ST7: variants seen among roughly 807,000 people sequenced by gnomAD.
The protein encoded by ST7 is suppression of tumorigenicity 7.
ST7 carries 28 observed loss-of-function variants against 78.7 expected under a neutral mutation model. The observed-to-expected ratio is 0.36, with a 90% confidence interval of 0.26 to 0.49. ST7 has a LOEUF of 0.49. ST7 is among the 20% of genes least tolerant of loss of function. The pLI is 0.99. For synonymous variants in ST7, 247 were observed against 249.6 expected, an observed-to-expected ratio of 0.99 and a Z score of 0.10; for missense variants, 418 against 696.0, an observed-to-expected ratio of 0.60 and a Z score of 4.49.
chr7:116,990,947 A>G (rs944034571), intron 1 of ST7, among the ~76,000 whole-genome samples: 1 of 152,226 alleles, frequency 6.6e-6, no homozygotes, highest in Non-Finnish European at 1.5e-5. Context: ...AGTGACACAT[A>G]GATTTGATTA....
intron 1 of ST7, among the ~76,000 whole-genome samples, chr7:116,991,106 C>T (rs1033386707): frequency 2.0e-5 from 3 of 152,182 alleles, no homozygotes; most frequent in African/African-American, 7.2e-5. Context: ...TGTATGATCA[C>T]ATTTTATTTA....
intron 1 of ST7, among the ~76,000 whole-genome samples, chr7:116,958,162 A>ATTTTTTTTTTTTTTTTTTT: frequency 1.0e-5 from 1 of 95,614 alleles, no homozygotes; most frequent in Non-Finnish European, 1.9e-5. Flanking sequence ...TGCGTGGCTA[A>ATTTTTTTTTTTTTTTTTTT]TTTTTTTTTT....
chr7:117,135,538 G>A (rs1204138440), intron 7 of ST7, among the ~76,000 whole-genome samples: 4 of 152,016 alleles, frequency 2.6e-5, no homozygotes, highest in Non-Finnish European at 5.9e-5. Context: ...TTGATTTAAC[G>A]AATTTCTTAT....
intron 15 of ST7, among the ~76,000 whole-genome samples, chr7:117,225,484 T>C (rs567762937): frequency 3.9e-5 from 6 of 152,226 alleles, no homozygotes; most frequent in African/African-American, 1.4e-4. Flanking sequence ...GGAAGGAAGA[T>C]GGATGGCCTG....
At chr7:116,986,618 T>G (rs1794203435) in intron 1 of ST7, among the ~76,000 whole-genome samples, 1 of 152,196 alleles carries the variant, frequency 6.6e-6, no homozygotes. Flanking sequence ...CCAATCCCAG[T>G]TGACATCAGA....
At chr7:117,199,791 G>A (rs2117469370) in intron 12 of ST7, among the ~76,000 whole-genome samples, 1 of 152,336 alleles carries the variant, frequency 6.6e-6, no homozygotes, top group South Asian at 2.1e-4. Context: ...GAGTTCTGCT[G>A]GGCCCACTGG....
In ST7 at chr7:117,134,164, A is replaced by G. The variant is rs1371574770; in HGVS notation, c.682A>G (p.Thr228Ala). ...TGAAGTTCCCCTAATTGCTTCCTCT[A>G]CCATCTGGGAGATAAAATTGTTACC... is the stretch of plus-strand genomic sequence containing the variant. ...RVEVPLIASSTIWEIKLLPKC... is the reference protein window; with the variant it reads ...RVEVPLIASSAIWEIKLLPKC... Residue 228 changes from threonine (T) to alanine (A), a missense_variant, in exon 7 of 16, where the codon ACC (threonine) becomes GCC (alanine). By Grantham distance (58) the Thr-to-Ala change is moderately conservative. Transcript: ENST00000323984. 1 of 1,612,052 alleles carries G rather than the reference A, an allele frequency of 6.2e-7. No individual in the cohort carries two copies. Among genetic ancestry groups the G allele is most frequent in the Admixed American group, 1.7e-5 (1 of 59,890 alleles).
intron 12 of ST7, among the ~76,000 whole-genome samples, chr7:117,206,611 C>A (rs866167647): frequency 2.6e-5 from 4 of 152,106 alleles, no homozygotes; most frequent in Non-Finnish European, 4.4e-5. Context: ...GTAAGCCATC[C>A]GTCTCACACA....
chr7:117,223,028 A>G, intron 15 of ST7: 1 of 1,344,516 alleles, frequency 7.4e-7, no homozygotes, highest in East Asian at 2.3e-5. Flanking sequence ...CTCCTCCTGT[A>G]TTCCTGACCT....
intron 1 of ST7, among the ~76,000 whole-genome samples, chr7:117,097,908 A>ATATATATT: frequency 1.7e-4 from 5 of 30,012 alleles, no homozygotes; most frequent in African/African-American, 3.2e-4. Context: ...ATATATATAT[A>ATATATATT]TTTTTTTTTT....
intron 1 of ST7, among the ~76,000 whole-genome samples, chr7:117,095,628 G>A (rs1009567630): frequency 2.6e-5 from 4 of 152,178 alleles, no homozygotes; most frequent in African/African-American, 9.7e-5. Context: ...AGTCAGGTCC[G>A]ATGAAAAGCC....
At chr7:116,960,688 ATTTG>A (rs1173692606) in intron 1 of ST7, among the ~76,000 whole-genome samples, 2 of 152,150 alleles carry the variant, frequency 1.3e-5, no homozygotes, top group Non-Finnish European at 2.9e-5. Flanking sequence ...TAACTTGTAC[ATTTG>A]TTTAAGTTCC....
chr7:117,062,812 A>C (rs1798428660), intron 1 of ST7, among the ~76,000 whole-genome samples: 1 of 152,224 alleles, frequency 6.6e-6, no homozygotes, highest in Non-Finnish European at 1.5e-5. Context: ...GAACTTGGCT[A>C]GCACTCCTGT....
At chr7:117,044,605 C>T (rs1797397141) in intron 1 of ST7, among the ~76,000 whole-genome samples, 1 of 150,382 alleles carries the variant, frequency 6.6e-6, no homozygotes. Context: ...CCTGCCTTGG[C>T]CCCTAAGGTA....
intron 1 of ST7, among the ~76,000 whole-genome samples, chr7:116,982,180 T>A (rs1452380703): frequency 1.3e-5 from 2 of 152,192 alleles, no homozygotes; most frequent in African/African-American, 4.8e-5. Context: ...TTACTTCTGC[T>A]GCTGCTGCTG....
At chr7:117,036,890 T>C (rs1796926894) in intron 1 of ST7, among the ~76,000 whole-genome samples, 1 of 152,156 alleles carries the variant, frequency 6.6e-6, no homozygotes, top group African/African-American at 2.4e-5. Flanking sequence ...TGAGTAGGTG[T>C]GATAACAGTT....
At chr7:117,065,204 CTTTTT>C (rs11363365) in intron 1 of ST7, among the ~76,000 whole-genome samples, 2 of 91,820 alleles carry the variant, frequency 2.2e-5, no homozygotes, top group Non-Finnish European at 4.4e-5. Flanking sequence ...TGGTTCAAGT[CTTTTT>C]TTTTTTTTTT....
At chr7:117,006,605 ATTAG>A (rs1439790496) in intron 1 of ST7, among the ~76,000 whole-genome samples, 1 of 152,180 alleles carries the variant, frequency 6.6e-6, no homozygotes. Flanking sequence ...AACTTTTATA[ATTAG>A]TTTAGCCAGT....
At chr7:117,089,166 C>G (rs890543543) in intron 1 of ST7, among the ~76,000 whole-genome samples, 37 of 152,358 alleles carry the variant, frequency 2.4e-4, no homozygotes, top group African/African-American at 7.9e-4. Flanking sequence ...ATATTTCCAG[C>G]AACACCAGAA....
Sources: allele counts gnomAD v4.1 joint callset (sites outside exome capture counted in the v4.1 genomes callset), GRCh38; gene constraint gnomAD v4.1.1; transcripts MANE v1.5; gene names NCBI Gene and HGNC (gene_info 2026-07-23, HGNC 2026-07-21).